Variants in HRCT1 observed in about 807,000 individuals in gnomAD.
HRCT1 encodes the protein histidine rich carboxyl terminus 1.
For missense variants in HRCT1, 185 were observed against 161.3 expected, an observed-to-expected ratio of 1.15 and a Z score of -0.80; for synonymous variants, 76 against 69.0, an observed-to-expected ratio of 1.10 and a Z score of -0.50.
rs1833086309 is a variant in HRCT1 at position 35,906,539 on chromosome 9, T to C, written c.252T>C (p.Asn84=). Residue 84 remains asparagine, a synonymous_variant, in exon 1 of 1, where the codon AAT becomes AAC. Transcript: ENST00000354323. ...CTGGCCACGTATCTCATGTGCCGAATGTGGGCCTCCACCACCACCACCACC... is the reference window on the plus strand; with the variant it reads ...CTGGCCACGTATCTCATGTGCCGAACGTGGGCCTCCACCACCACCACCACC... ...RHPGHVSHVP[N]VGLHHHHHPR... 1 of 1,522,134 alleles carries C rather than the reference T, an allele frequency of 6.6e-7. No homozygotes were observed. Among genetic ancestry groups the C allele is most frequent in the African/African-American group, 1.6e-5 (1 of 62,580 alleles). The allele number at this position is 1,522,134 out of a possible 1,614,324, so 94.3% of individuals were successfully genotyped here. A position where few individuals can be genotyped will look rare whatever the true frequency, so the allele number is the denominator to read the frequency against.
rs746740007 is a variant in HRCT1, at chr9:35,906,520, A to T, written c.233A>T (p.His78Leu). The stretch of plus-strand genomic sequence containing the variant: ...TTTCACCATCACCGTCATCCTGGCC[A>T]CGTATCTCATGTGCCGAATGTGGGC... ...GIFHHHRHPG[H>L]VSHVPNVGLH... The change falls in exon 1 of 1, where the codon CAC becomes CTC. Residue 78 changes from histidine to leucine, a missense_variant. His to Leu is a moderately conservative substitution (Grantham distance 99, BLOSUM62 -3). Transcript: ENST00000354323. 9 of 1,606,492 alleles carry T rather than the reference A, an allele frequency of 5.6e-6. No individual in the cohort carries two copies. Among genetic ancestry groups the T allele is most frequent in the Non-Finnish European group, 7.6e-6 (9 of 1,178,504 alleles).
chr9:35,907,021 C>T lies in HRCT1; in HGVS notation c.*386C>T, dbSNP rs191469313. 7.2e-5 allele frequency: 21 copies of T among 292,466 alleles called. No homozygotes were observed. The highest frequency in any genetic ancestry group is 1.3e-4 in the Non-Finnish European group (19 of 145,172). 18.1% of individuals were successfully genotyped at this position (292,466 alleles called of 1,614,324 possible). On this transcript the variant is annotated 3_prime_UTR_variant, in exon 1 of 1. Transcript: ENST00000354323. ...TCATCAGGCTGCTGCAGGCCTCTGGCGGGCAGGGCACTGGGAGAGGCCCTG... is the reference window on the plus strand; with the variant it reads ...TCATCAGGCTGCTGCAGGCCTCTGGTGGGCAGGGCACTGGGAGAGGCCCTG...
At position 35,906,701 on chromosome 9, in the gene HRCT1, T is replaced by G; in HGVS notation, c.*66T>G. The G allele has an allele frequency of 2.8e-6, 4 of 1,426,162 alleles. No individual in the cohort carries two copies. Among genetic ancestry groups the G allele is most frequent in the Non-Finnish European group, 3.8e-6 (4 of 1,064,968 alleles). The allele number at this position is 1,426,162 out of a possible 1,614,324, so 88.3% of individuals were successfully genotyped here. ...CCCTCCCATCTGTTCCCAGGACAAG[T>G]GGACCCCATGTTTCCATGTGGAAGG... On this transcript the variant is annotated 3_prime_UTR_variant, in exon 1 of 1. Coordinates refer to ENST00000354323, the MANE Select transcript of HRCT1 (RefSeq NM_001039792.2).
chr9:35,906,597 CA>C, the HRCT1 span: 27 of 1,490,850 alleles, frequency 1.8e-5, no homozygotes, highest in African/African-American at 2.6e-4. Flanking sequence ...CCACCACCAC[CA>C]CCACCCCCAC....
Position 35,906,610 on chromosome 9 carries a change from G to GCCACCATCCCCACCC in HRCT1, c.334_335insACCCCCACCATCCCC (p.Pro111_Arg112insHisProHisHisPro). 3.3e-6 allele frequency: 2 copies of GCCACCATCCCCACCC among 611,856 alleles called. No homozygotes were observed. The highest frequency in any genetic ancestry group is 2.2e-6 in the Non-Finnish European group (1 of 444,692). The allele number at this position is 611,856 out of a possible 1,614,324, so 37.9% of individuals were successfully genotyped here. On this transcript the variant is annotated inframe_insertion, in exon 1 of 1. Transcript: ENST00000354323. Reference sequence around the variant, plus strand: ...CTCCACCACCACCACCACCCCCACCGCCACCATCCCCGCCACGCTCGCTGA... The same window carrying GCCACCATCCCCACCC: ...CTCCACCACCACCACCACCCCCACCGCCACCATCCCCACCCCCACCATCCCCGCCACGCTCGCTGA...
chr9:35,906,740 G>A lies in HRCT1; in HGVS notation c.*105G>A. Reference sequence around the variant, plus strand: ...CCATGTGGAAGGATGCATCTCTGGGGTGAACGAGGGGAACAATAGACTGGG... The same window carrying A: ...CCATGTGGAAGGATGCATCTCTGGGATGAACGAGGGGAACAATAGACTGGG... On this transcript the variant is annotated 3_prime_UTR_variant, in exon 1 of 1. Coordinates refer to ENST00000354323, the MANE Select transcript of HRCT1 (RefSeq NM_001039792.2). The A allele has an allele frequency of 2.7e-6, 4 of 1,461,772 alleles. No homozygotes were observed. Among genetic ancestry groups the A allele is most frequent in the Non-Finnish European group, 3.7e-6 (4 of 1,084,966 alleles). The allele number at this position is 1,461,772 out of a possible 1,614,324, so 90.6% of individuals were successfully genotyped here.
chr9:35,906,565 C>A lies in HRCT1; in HGVS notation c.278C>A (p.Pro93His), dbSNP rs149309767. 109 of 1,553,094 alleles carry A rather than the reference C, an allele frequency of 7.0e-5. No homozygotes were observed. The highest frequency in any genetic ancestry group is 1.8e-4 in the Admixed American group (10 of 56,834). ...GTGGGCCTCCACCACCACCACCACCCCCGCCACACCCCTCACCACCTCCAC... is the reference window on the plus strand; with the variant it reads ...GTGGGCCTCCACCACCACCACCACCACCGCCACACCCCTCACCACCTCCAC... The part of the protein sequence containing the change: ...PNVGLHHHHH[P>H]RHTPHHLHHH... The change falls in exon 1 of 1, where the codon CCC becomes CAC. Residue 93 changes from proline to histidine, a missense_variant. Transcript: ENST00000354323.
Position 35,906,701 on chromosome 9 carries a change from T to C in HRCT1, c.*66T>C, listed in dbSNP as rs1291806157. The stretch of plus-strand genomic sequence containing the variant: ...CCCTCCCATCTGTTCCCAGGACAAG[T>C]GGACCCCATGTTTCCATGTGGAAGG... On this transcript the variant is annotated 3_prime_UTR_variant, in exon 1 of 1. Transcript: ENST00000354323. The C allele has an allele frequency of 6.3e-6, 9 of 1,426,034 alleles. No individual in the cohort carries two copies. Among genetic ancestry groups the C allele is most frequent in the African/African-American group, 1.4e-5 (1 of 70,070 alleles). The allele number at this position is 1,426,034 out of a possible 1,614,324, so 88.3% of individuals were successfully genotyped here.
rs771568131 is a variant in HRCT1, at chr9:35,906,514, C to A, written c.227C>A (p.Pro76His). ...HLGIFHHHRH[P>H]GHVSHVPNVG... ...GGAATCTTTCACCATCACCGTCATC[C>A]TGGCCACGTATCTCATGTGCCGAAT... The change falls in exon 1 of 1, where the codon CCT becomes CAT. Residue 76 changes from proline to histidine, a missense_variant. By Grantham distance (77) the Pro-to-His change is moderately conservative. Coordinates refer to ENST00000354323, the MANE Select transcript of HRCT1 (RefSeq NM_001039792.2). 1 of 1,603,504 alleles carries A rather than the reference C, an allele frequency of 6.2e-7. No homozygotes were observed. Among genetic ancestry groups the A allele is most frequent in the Non-Finnish European group, 8.5e-7 (1 of 1,178,610 alleles).
Position 35,906,589 on chromosome 9 carries a change from A to ACCACCACCT in HRCT1, c.310_311insTCCACCACC (p.His103_His104insLeuHisHis), listed in dbSNP as rs1554690899. On this transcript the variant is annotated inframe_insertion, in exon 1 of 1. Coordinates refer to ENST00000354323, the MANE Select transcript of HRCT1 (RefSeq NM_001039792.2). ...CCCCGCCACACCCCTCACCACCTCCACCACCACCACCACCCCCACCGCCAC... is the reference window on the plus strand; with the variant it reads ...CCCCGCCACACCCCTCACCACCTCCACCACCACCTCCACCACCACCACCCCCACCGCCAC... 20 of 1,020,508 alleles carry ACCACCACCT rather than the reference A, an allele frequency of 2.0e-5. 1 individual carries two copies. The highest frequency in any genetic ancestry group is 2.3e-5 in the Non-Finnish European group (18 of 787,630). 63.2% of individuals were successfully genotyped at this position (1,020,508 alleles called of 1,614,324 possible).
At chr9:35,906,441 C>T in the HRCT1 span, 362 of 1,613,084 alleles carry the variant, frequency 2.2e-4, 3 homozygotes, top group Non-Finnish European at 1.5e-4. Flanking sequence ...AGGGGGAAAC[C>T]GAGTCCGCCG....
chr9:35,906,801 T>G lies in HRCT1; in HGVS notation c.*166T>G. The G allele has an allele frequency of 1.0e-6, 1 of 968,738 alleles. No homozygotes were observed. The highest frequency in any genetic ancestry group is 1.5e-6 in the Non-Finnish European group (1 of 657,584). 60.0% of individuals were successfully genotyped at this position (968,738 alleles called of 1,614,324 possible). A position where few individuals can be genotyped will look rare whatever the true frequency, so the allele number is the denominator to read the frequency against. ...GCTGCATTTGCATGGCATGCCCCAG[T>G]GTACTATGGCAGCAGAGAATGGAGG... On this transcript the variant is annotated 3_prime_UTR_variant, in exon 1 of 1. Coordinates refer to ENST00000354323, the MANE Select transcript of HRCT1 (RefSeq NM_001039792.2).
Position 35,906,586 on chromosome 9 carries a change from T to TCCACCACCACCACCACCCCCACCA in HRCT1, c.322_323insACCACCACCACCACCACCCCCACC (p.His107_Arg108insHisHisHisHisHisHisProHis), listed in dbSNP as rs1554690887. 12 of 1,189,892 alleles carry TCCACCACCACCACCACCCCCACCA rather than the reference T, an allele frequency of 1.0e-5. No individual in the cohort carries two copies. The highest frequency in any genetic ancestry group is 5.6e-4 in the Middle Eastern group (2 of 3,580). 73.7% of individuals were successfully genotyped at this position (1,189,892 alleles called of 1,614,324 possible). A position where few individuals can be genotyped will look rare whatever the true frequency, so the allele number is the denominator to read the frequency against. ...CACCCCCGCCACACCCCTCACCACCTCCACCACCACCACCACCCCCACCGC... is the reference window on the plus strand; with the variant it reads ...CACCCCCGCCACACCCCTCACCACCTCCACCACCACCACCACCCCCACCACCACCACCACCACCACCCCCACCGC... On this transcript the variant is annotated inframe_insertion, in exon 1 of 1. Transcript: ENST00000354323.
chr9:35,906,739 G>C lies in HRCT1; in HGVS notation c.*104G>C. 1 of 1,461,678 alleles carries C rather than the reference G, an allele frequency of 6.8e-7. No homozygotes were observed. Among genetic ancestry groups the C allele is most frequent in the South Asian group, 1.3e-5 (1 of 74,194 alleles). The allele number at this position is 1,461,678 out of a possible 1,614,324, so 90.5% of individuals were successfully genotyped here. On this transcript the variant is annotated 3_prime_UTR_variant, in exon 1 of 1. Coordinates refer to ENST00000354323, the MANE Select transcript of HRCT1 (RefSeq NM_001039792.2). ...TCCATGTGGAAGGATGCATCTCTGG[G>C]GTGAACGAGGGGAACAATAGACTGG...
At position 35,906,589 on chromosome 9, in the gene HRCT1, A is replaced by ACCACCACCACCACCACCCCCACCT; in HGVS notation, c.316_317insACCCCCACCTCCACCACCACCACC (p.His105_Pro106insHisProHisLeuHisHisHisHis). The stretch of plus-strand genomic sequence containing the variant: ...CCCCGCCACACCCCTCACCACCTCC[A>ACCACCACCACCACCACCCCCACCT]CCACCACCACCACCCCCACCGCCAC... On this transcript the variant is annotated inframe_insertion, in exon 1 of 1. Transcript: ENST00000354323. 1 of 1,020,526 alleles carries ACCACCACCACCACCACCCCCACCT rather than the reference A, an allele frequency of 9.8e-7. No individual in the cohort carries two copies. The highest frequency in any genetic ancestry group is 2.9e-5 in the African/African-American group (1 of 33,968). The allele number at this position is 1,020,526 out of a possible 1,614,324, so 63.2% of individuals were successfully genotyped here. A position where few individuals can be genotyped will look rare whatever the true frequency, so the allele number is the denominator to read the frequency against.
rs1227469105 is a variant in HRCT1, at chr9:35,906,551, C to T, written c.264C>T (p.His88=). The T allele has an allele frequency of 1.9e-6, 3 of 1,588,600 alleles. No homozygotes were observed. In the East Asian group the frequency reaches 6.8e-5, roughly 36 times the overall value. ...CTCATGTGCCGAATGTGGGCCTCCA[C>T]CACCACCACCACCCCCGCCACACCC... ...HVSHVPNVGL[H]HHHHPRHTPH... Residue 88 remains histidine, a synonymous_variant, in exon 1 of 1, where the codon CAC becomes CAT. Transcript: ENST00000354323.
rs746070160 is a variant in HRCT1 at position 35,906,562 on chromosome 9, ACCCCCG to A, written c.278_283del (p.Pro93_Arg94del). 2.5e-5 allele frequency: 35 copies of A among 1,402,956 alleles called. No homozygotes were observed. Among genetic ancestry groups the A allele is most frequent in the African/African-American group, 5.4e-5 (3 of 56,000 alleles). The allele number at this position is 1,402,956 out of a possible 1,614,324, so 86.9% of individuals were successfully genotyped here. ...AATGTGGGCCTCCACCACCACCACC[ACCCCCG>A]CCACACCCCTCACCACCTCCACCAC... On this transcript the variant is annotated inframe_deletion, in exon 1 of 1. Coordinates refer to ENST00000354323, the MANE Select transcript of HRCT1 (RefSeq NM_001039792.2).
In HRCT1 at chr9:35,906,568, G is replaced by GCCCCCA. The variant is rs1833091278; in HGVS notation, c.283_284insCCCACC (p.Arg94_His95insProHis). The GCCCCCA allele has an allele frequency of 8.0e-6, 8 of 996,408 alleles. No individual in the cohort carries two copies. Among genetic ancestry groups the GCCCCCA allele is most frequent in the Non-Finnish European group, 1.1e-5 (8 of 701,704 alleles). The allele number at this position is 996,408 out of a possible 1,614,324, so 61.7% of individuals were successfully genotyped here. Reference sequence around the variant, plus strand: ...GGCCTCCACCACCACCACCACCCCCGCCACACCCCTCACCACCTCCACCAC... The same window carrying GCCCCCA: ...GGCCTCCACCACCACCACCACCCCCGCCCCCACCACACCCCTCACCACCTCCACCAC... On this transcript the variant is annotated inframe_insertion, in exon 1 of 1. Transcript: ENST00000354323.
In HRCT1 at chr9:35,906,745, C is replaced by T. The variant is rs1281616606; in HGVS notation, c.*110C>T. The T allele has an allele frequency of 9.7e-6, 14 of 1,440,902 alleles. 1 individual carries two copies. The highest frequency in any genetic ancestry group is 2.6e-4 in the Middle Eastern group (1 of 3,844). 89.3% of individuals were successfully genotyped at this position (1,440,902 alleles called of 1,614,324 possible). ...TGGAAGGATGCATCTCTGGGGTGAA[C>T]GAGGGGAACAATAGACTGGGGCTTG... On this transcript the variant is annotated 3_prime_UTR_variant, in exon 1 of 1. Transcript: ENST00000354323.
Sources: allele counts gnomAD v4.1 joint callset, GRCh38; gene constraint gnomAD v4.1.1; transcripts MANE v1.5; gene names NCBI Gene and HGNC (gene_info 2026-07-23, HGNC 2026-07-21).